Variants in GK5 observed in about 807,000 individuals in gnomAD.
GK5 encodes glycerol kinase 5.
Under a neutral mutation model 77.3 loss-of-function variants are expected in GK5, and 39 were observed. The ratio of observed to expected loss-of-function variants is 0.50; its 90% confidence interval spans 0.39 to 0.66. The LOEUF (loss-of-function observed/expected upper bound fraction) is 0.66, where lower values mean the gene tolerates loss of function less well. GK5 is among the 30% of genes least tolerant of loss of function. The pLI, the probability that GK5 is intolerant of heterozygous loss-of-function variation, is 0.00. For missense variants in GK5, 487 were observed against 633.8 expected (o/e 0.77, Z 2.49); for synonymous variants, 211 against 208.0 (o/e 1.01, Z -0.13).
chr3:142,193,318 T>C (rs771348237), intron 5 of GK5, among the ~76,000 whole-genome samples: 10 of 152,238 alleles, frequency 6.6e-5, no homozygotes, highest in Middle Eastern at 3.4e-3. Flanking sequence ...AAATGGTAAG[T>C]ATGTGAAAAG....
intron 12 of GK5, among the ~76,000 whole-genome samples, chr3:142,177,094 T>A (rs2063625146): frequency 6.6e-6 from 1 of 152,234 alleles, no homozygotes; most frequent in African/African-American, 2.4e-5. Flanking sequence ...CTCAATGGCT[T>A]ATTTCCTCTA....
At chr3:142,222,226 A>G (rs920557907) in intron 1 of GK5, among the ~76,000 whole-genome samples, 5 of 152,348 alleles carry the variant, frequency 3.3e-5, no homozygotes, top group African/African-American at 1.2e-4. Flanking sequence ...AAAAAACTCA[A>G]ATTATCTGCA....
chr3:142,182,730 A>G (rs2063714027), intron 10 of GK5, among the ~76,000 whole-genome samples, 193 bp downstream of exon 10: 1 of 152,220 alleles, frequency 6.6e-6, no homozygotes, highest in South Asian at 2.1e-4. Flanking sequence ...GAATTTTTCA[A>G]CAATATCATT....
At chr3:142,185,479 T>C in intron 9 of GK5, 1 of 986,716 alleles carries the variant, frequency 1.0e-6, no homozygotes, top group Non-Finnish European at 1.2e-6. Flanking sequence ...TACTGGTAGA[T>C]GATGGCTAAG....
chr3:142,187,018 A>C (rs2063782764), intron 6 of GK5, among the ~76,000 whole-genome samples: 3 of 152,192 alleles, frequency 2.0e-5, no homozygotes, highest in Non-Finnish European at 4.4e-5. Context: ...AAGTACTTAC[A>C]TACATGTTGT....
chr3:142,199,167 C>T (rs558980957), intron 4 of GK5, among the ~76,000 whole-genome samples: 2 of 152,052 alleles, frequency 1.3e-5, no homozygotes, highest in South Asian at 2.1e-4. Context: ...ATACCAGATG[C>T]TCAGGTACTT....
At chr3:142,218,025 G>C (rs1365736225) in intron 1 of GK5, among the ~76,000 whole-genome samples, 2 of 152,002 alleles carry the variant, frequency 1.3e-5, no homozygotes, top group Admixed American at 1.3e-4. Context: ...CCAATTTCAA[G>C]ACTTACTATA....
intron 1 of GK5, among the ~76,000 whole-genome samples, chr3:142,220,501 C>G (rs969097161): frequency 2.0e-5 from 3 of 152,096 alleles, no homozygotes; most frequent in Admixed American, 2.0e-4. Flanking sequence ...GGAGGAAATG[C>G]CAATACCTCA....
chr3:142,193,483 C>CAAAA (rs1161095979), intron 5 of GK5, among the ~76,000 whole-genome samples: 1 of 70,900 alleles, frequency 1.4e-5, no homozygotes. Flanking sequence ...TTGTCTGCTA[C>CAAAA]AAAAAAAAAA....
intron 7 of GK5, 86 bp from the exon 8 acceptor site, chr3:142,186,353 A>T (rs2063769973): frequency 1.0e-6 from 1 of 985,958 alleles, no homozygotes; most frequent in Non-Finnish European, 1.5e-6. Flanking sequence ...GTTGTACATG[A>T]TATATTTGTC....
chr3:142,205,587 T>C (rs576502595), intron 3 of GK5, among the ~76,000 whole-genome samples: 1 of 152,324 alleles, frequency 6.6e-6, no homozygotes, highest in South Asian at 2.1e-4. Context: ...ACTCCTTAAA[T>C]ACCTGGCCTT....
In GK5 at chr3:142,160,267, G is replaced by C. The variant is rs2063416229; in HGVS notation, c.*5355C>G. ...GGCCTCACAAATTGCTGGGATTACAGGTGTGAACCACCACGCTTATCCTGG... is the reference window on the plus strand; with the variant it reads ...GGCCTCACAAATTGCTGGGATTACACGTGTGAACCACCACGCTTATCCTGG... On this transcript the variant is annotated 3_prime_UTR_variant, in exon 16 of 16. Transcript: ENST00000392993. The C allele has an allele frequency of 6.6e-6, 1 of 152,248 alleles. No homozygotes were observed. Among genetic ancestry groups the C allele is most frequent in the South Asian group, 2.1e-4 (1 of 4,824 alleles). 9.4% of individuals were successfully genotyped at this position (152,248 alleles called of 1,614,324 possible).
intron 5 of GK5, among the ~76,000 whole-genome samples, chr3:142,191,068 A>T (rs559910063): frequency 5.9e-5 from 9 of 151,906 alleles, no homozygotes; most frequent in Non-Finnish European, 1.2e-4. Flanking sequence ...TTTGAGACAG[A>T]GTCTGGCCAT....
chr3:142,203,654 G>T (rs2064061737), intron 4 of GK5, among the ~76,000 whole-genome samples: 1 of 152,110 alleles, frequency 6.6e-6, no homozygotes, highest in South Asian at 2.1e-4. Flanking sequence ...TATGCTTGTA[G>T]TCCCAGCTAC....
At chr3:142,174,823 C>T (rs916152791) in intron 12 of GK5, among the ~76,000 whole-genome samples, 3 of 152,178 alleles carry the variant, frequency 2.0e-5, no homozygotes, top group African/African-American at 7.2e-5. Context: ...ATTCTCTGCC[C>T]TGAAAACCAA....
chr3:142,171,293 T>C (rs2063534145), intron 14 of GK5, 126 bp downstream of exon 14: 3 of 891,080 alleles, frequency 3.4e-6, no homozygotes, highest in Non-Finnish European at 4.7e-6. Context: ...GAAATTATTT[T>C]TGAAATCCTC....
chr3:142,213,726 C>A, intron 2 of GK5, 125 bp from the exon 3 acceptor site: 1 of 602,422 alleles, frequency 1.7e-6, no homozygotes, highest in Admixed American at 2.8e-5. Context: ...AGCATTCTAA[C>A]AAAACAACTG....
At chr3:142,220,483 A>C (rs2064329024) in intron 1 of GK5, among the ~76,000 whole-genome samples, 2 of 152,166 alleles carry the variant, frequency 1.3e-5, no homozygotes, top group African/African-American at 2.4e-5. Context: ...TACATGGCTT[A>C]GGACAGAGGA....
intron 5 of GK5, among the ~76,000 whole-genome samples, chr3:142,197,801 G>T (rs886765663): frequency 3.3e-5 from 5 of 152,062 alleles, no homozygotes; most frequent in Non-Finnish European, 5.9e-5. Context: ...GAGGCAGGCA[G>T]ATCACGAGGT....
Sources: gnomAD v4.1 joint callset for allele counts (sites outside exome capture counted in the v4.1 genomes callset) on GRCh38, gnomAD v4.1.1 for gene constraint, MANE v1.5 for transcripts, NCBI Gene and HGNC (gene_info 2026-07-23, HGNC 2026-07-21) for gene names.